The following HDAC9 variants were observed in gnomAD, a reference collection of about 807,000 sequenced individuals.
HDAC9 encodes MEF-2 interacting transcription repressor (MITR) protein.
Under a neutral mutation model 139.4 loss-of-function variants are expected in HDAC9, and 41 were observed. The ratio of observed to expected loss-of-function variants is 0.29; its 90% CI spans 0.23 to 0.38. The LOEUF is 0.38. Among genes scored for constraint, HDAC9 ranks in the 10% least tolerant of loss-of-function variants. HDAC9 has a pLI of 1.00. For synonymous variants in HDAC9, 517 were observed against 476.2 expected, an observed-to-expected ratio of 1.09 and a Z score of -1.12; for missense variants, 1,147 against 1,297.0, an observed-to-expected ratio of 0.88 and a Z score of 1.78.
intron 12 of HDAC9, among the ~76,000 whole-genome samples, chr7:18,685,361 GT>G (rs751811788): frequency 6.7e-5 from 10 of 148,396 alleles, no homozygotes; most frequent in South Asian, 2.1e-4. Context: ...TGAAGAGCCA[GT>G]TTTTTTTTTG....
At chr7:18,199,662 G>A (rs1790971649) in intron 2 of HDAC9, among the ~76,000 whole-genome samples, 1 of 147,182 alleles carries the variant, frequency 6.8e-6, no homozygotes, top group Non-Finnish European at 1.5e-5. Flanking sequence ...GCATGCTGAA[G>A]TCCCAACACT....
At chr7:18,731,532 A>G (rs1411740722) in intron 13 of HDAC9, among the ~76,000 whole-genome samples, 1 of 152,228 alleles carries the variant, frequency 6.6e-6, no homozygotes, top group East Asian at 1.9e-4. Flanking sequence ...CCAAGGGAGA[A>G]ATATTATCTG....
intron 12 of HDAC9, among the ~76,000 whole-genome samples, chr7:18,677,338 A>G (rs1438747336): frequency 6.6e-6 from 1 of 151,828 alleles, no homozygotes; most frequent in Non-Finnish European, 1.5e-5. Flanking sequence ...TTATTGCTGA[A>G]TAGTTAGCCA....
rs138052942 is a variant in HDAC9, at chr7:18,750,126, A to G, written c.2043+988A>G. 1.1e-3 allele frequency among the ~76,000 whole-genome samples: 175 copies of G among 152,338 alleles called. 2 individuals carry two copies. In the East Asian group the frequency reaches 0.015, roughly 13 times the overall value. On this transcript the variant is annotated intron_variant, in intron 14 of 25. Transcript: ENST00000686413. Reference sequence around the variant, plus strand: ...GCAGACAGAATTTTTCAGCAGGTCAAGTGCACTTGCCTACGTATGATAGTG... The same window carrying G: ...GCAGACAGAATTTTTCAGCAGGTCAGGTGCACTTGCCTACGTATGATAGTG...
chr7:18,495,610 G>A (rs957469441), upstream of HDAC9: 3 of 294,478 alleles, frequency 1.0e-5, no homozygotes, highest in Non-Finnish European at 1.5e-5. Context: ...CCAATCACTC[G>A]GCCATGCTTG....
At chr7:18,389,111 T>G (rs1317095913) in intron 1 of HDAC9, among the ~76,000 whole-genome samples, 1 of 152,226 alleles carries the variant, frequency 6.6e-6, no homozygotes, top group Non-Finnish European at 1.5e-5. Flanking sequence ...TGTTTTTTCA[T>G]TGGTATGAGT....
chr7:18,846,125 A>G (rs1031635940), intron 21 of HDAC9, among the ~76,000 whole-genome samples: 1 of 152,186 alleles, frequency 6.6e-6, no homozygotes, highest in African/African-American at 2.4e-5. Context: ...TTCTGAATAT[A>G]AATTAGGTCT....
chr7:18,695,276 G>C (rs1782960496), intron 12 of HDAC9, among the ~76,000 whole-genome samples: 1 of 152,038 alleles, frequency 6.6e-6, no homozygotes, highest in African/African-American at 2.4e-5. Context: ...GTCTATTCAG[G>C]GACTCTTTGG....
At position 18,380,044 on chromosome 7, in the gene HDAC9, T is replaced by G. The variant is rs182203863; in HGVS notation, c.-42+89529T>G. On this transcript the variant is annotated intron_variant, in intron 1 of 3. Coordinates refer to the HDAC9 transcript ENST00000413509. ...TTTTTCTCTAAAACCAATTGAGTTC[T>G]TAAAGACTCTGATCTCTAAGTAAAA... 1.1e-4 allele frequency among the ~76,000 whole-genome samples: 17 copies of G among 152,320 alleles called. No individual in the cohort carries two copies. The East Asian group carries it at 3.1e-3, about 28-fold the overall frequency.
intron 12 of HDAC9, among the ~76,000 whole-genome samples, chr7:18,681,707 C>T (rs1276882249): frequency 6.6e-6 from 1 of 151,996 alleles, no homozygotes; most frequent in Non-Finnish European, 1.5e-5. Flanking sequence ...CAGTTTAGAA[C>T]TTCAAGAAGA....
chr7:18,194,701 T>C (rs867030472), intron 2 of HDAC9, among the ~76,000 whole-genome samples: 2 of 152,228 alleles, frequency 1.3e-5, no homozygotes, highest in South Asian at 4.1e-4. Flanking sequence ...TATTCATACA[T>C]TAAATAAACA....
At chr7:18,751,240 A>G (rs1180298342) in intron 14 of HDAC9, among the ~76,000 whole-genome samples, 5 of 152,172 alleles carry the variant, frequency 3.3e-5, no homozygotes, top group South Asian at 2.1e-4. Flanking sequence ...GATGTCAGAA[A>G]CACTATCATA....
At chr7:18,148,672 C>T (rs1323632216) in intron 1 of HDAC9, among the ~76,000 whole-genome samples, 1 of 152,090 alleles carries the variant, frequency 6.6e-6, no homozygotes, top group Non-Finnish European at 1.5e-5. Context: ...GTTGGCCAGG[C>T]TGGTCTCGAA....
intron 21 of HDAC9, 55 bp downstream of exon 21, chr7:18,836,052 A>C (rs1796213111): frequency 1.1e-6 from 1 of 877,180 alleles, no homozygotes; most frequent in Non-Finnish European, 1.8e-6. Flanking sequence ...TGTCCATTGA[A>C]ATAACACCAA....
chr7:18,666,546 G>C, intron 12 of HDAC9, 70 bp downstream of exon 12: 1 of 1,554,242 alleles, frequency 6.4e-7, no homozygotes, highest in Non-Finnish European at 8.7e-7. Context: ...TGCATTGCAG[G>C]TTTGGTAAAT....
chr7:18,119,472 C>T (rs1035614804), intron 1 of HDAC9, among the ~76,000 whole-genome samples: 2 of 152,206 alleles, frequency 1.3e-5, no homozygotes, highest in Non-Finnish European at 2.9e-5. Context: ...CTACCAGTTT[C>T]TTACCACCAA....
chr7:18,208,286 A>G (rs1377759444), intron 2 of HDAC9, among the ~76,000 whole-genome samples: 4 of 152,062 alleles, frequency 2.6e-5, no homozygotes, highest in African/African-American at 7.2e-5. Context: ...ATCACCTGCA[A>G]CAAACAAAAT....
chr7:18,604,688 C>T (rs564044483), intron 6 of HDAC9, among the ~76,000 whole-genome samples: 8 of 152,232 alleles, frequency 5.3e-5, no homozygotes, highest in African/African-American at 1.4e-4. Flanking sequence ...CGTGAGCCAC[C>T]GCGCCCGGAT....
chr7:18,638,213 A>G (rs999333178), intron 8 of HDAC9, among the ~76,000 whole-genome samples: 9 of 152,084 alleles, frequency 5.9e-5, no homozygotes, highest in Non-Finnish European at 8.8e-5. Flanking sequence ...GTAGAAAAGC[A>G]TGTCACCTAA....
Sources: allele counts gnomAD v4.1 joint callset (sites outside exome capture counted in the v4.1 genomes callset), GRCh38; gene constraint gnomAD v4.1.1; transcripts MANE v1.5; gene names NCBI Gene and HGNC (gene_info 2026-07-23, HGNC 2026-07-21).